XKR4: variants seen among roughly 807,000 people sequenced by gnomAD.
The protein encoded by XKR4 is XK related 4.
XKR4 carries 12 observed loss-of-function variants against 53.9 expected under a neutral mutation model. That is an observed-to-expected ratio of 0.22 (90% CI 0.14 to 0.36). The LOEUF (loss-of-function observed/expected upper bound fraction) is 0.36, where lower values mean the gene tolerates loss of function less well. XKR4 is among the 10% of genes least tolerant of loss of function. The probability of loss-of-function intolerance (pLI) is 1.00; values close to 1 mark genes in which losing one functional copy is unlikely to be tolerated. For missense variants in XKR4, 799 were observed against 859.5 expected (o/e 0.93, Z 0.88); for synonymous variants, 354 against 362.4 (o/e 0.98, Z 0.26).
At chr8:55,326,109 G>A (rs529752938) in intron 1 of XKR4, among the ~76,000 whole-genome samples, 191 of 152,246 alleles carry the variant, frequency 1.3e-3, no homozygotes, top group Non-Finnish European at 2.4e-3. Flanking sequence ...TCTGAATTGC[G>A]AATGACCTGA....
chr8:55,476,036 G>A (rs541583814), intron 2 of XKR4, among the ~76,000 whole-genome samples: 6 of 152,130 alleles, frequency 3.9e-5, no homozygotes, highest in East Asian at 1.9e-4. Context: ...GTTAGCCACC[G>A]CACCTGGCTA....
intron 2 of XKR4, among the ~76,000 whole-genome samples, chr8:55,472,343 T>C (rs1805901067): frequency 6.6e-6 from 1 of 152,190 alleles, no homozygotes; most frequent in Non-Finnish European, 1.5e-5. Context: ...TCCTTTTCTC[T>C]CTGATTCAAG....
chr8:55,217,656 G>A lies in XKR4; in HGVS notation c.806+114362G>A, dbSNP rs79493441. ...AATGAGTCATTGACAACTAAAAAGA[G>A]TTGTGGATACAGGCTCGTTGCTGAA... On this transcript the variant is annotated intron_variant, in intron 1 of 2. Coordinates refer to ENST00000327381, the MANE Select transcript of XKR4 (RefSeq NM_052898.2). Among the ~76,000 whole-genome samples, 705 of 152,278 alleles carry A rather than the reference G, an allele frequency of 4.6e-3. 6 individuals carry two copies. The highest frequency in any genetic ancestry group is 0.016 in the African/African-American group (658 of 41,528).
At chr8:55,388,455 T>C (rs1423466042) in intron 2 of XKR4, among the ~76,000 whole-genome samples, 1 of 149,872 alleles carries the variant, frequency 6.7e-6, no homozygotes. Flanking sequence ...AAATTTATTT[T>C]TCACAGTTCC....
intron 2 of XKR4, among the ~76,000 whole-genome samples, chr8:55,477,506 C>T (rs546586429): frequency 3.3e-5 from 5 of 152,284 alleles, no homozygotes; most frequent in Admixed American, 3.3e-4. Flanking sequence ...CGCCTCTCTT[C>T]CTCCAAAGGA....
chr8:55,465,066 G>C (rs956351061), intron 2 of XKR4, among the ~76,000 whole-genome samples: 4 of 152,104 alleles, frequency 2.6e-5, no homozygotes, highest in African/African-American at 9.7e-5. Flanking sequence ...ACTGCCCAAG[G>C]TAATTTATAG....
chr8:55,303,025 A>G (rs1489383241), intron 1 of XKR4, among the ~76,000 whole-genome samples: 1 of 152,184 alleles, frequency 6.6e-6, no homozygotes, highest in Non-Finnish European at 1.5e-5. Flanking sequence ...CAGCACTTCC[A>G]ACACTATGTT....
At chr8:55,329,433 G>A (rs2129380527) in intron 1 of XKR4, among the ~76,000 whole-genome samples, 1 of 148,884 alleles carries the variant, frequency 6.7e-6, no homozygotes, top group South Asian at 2.1e-4. Flanking sequence ...TATATTTCAT[G>A]TAAGGCCCAC....
At chr8:55,491,819 G>A (rs1315006470) in intron 2 of XKR4, among the ~76,000 whole-genome samples, 1 of 152,046 alleles carries the variant, frequency 6.6e-6, no homozygotes, top group Non-Finnish European at 1.5e-5. Context: ...TGGTCAAAAC[G>A]TACAGTATCA....
At chr8:55,382,584 T>C (rs1056510917) in intron 2 of XKR4, among the ~76,000 whole-genome samples, 4 of 152,284 alleles carry the variant, frequency 2.6e-5, no homozygotes, top group Non-Finnish European at 5.9e-5. Context: ...TCTTTGATTC[T>C]GGAAAATCTC....
At chr8:55,199,104 T>C (rs1215931722) in intron 1 of XKR4, among the ~76,000 whole-genome samples, 2 of 152,212 alleles carry the variant, frequency 1.3e-5, no homozygotes, top group East Asian at 3.8e-4. Context: ...TTTAGGAAGT[T>C]CTTACATATT....
chr8:55,460,890 A>G (rs1283903799), intron 2 of XKR4, among the ~76,000 whole-genome samples: 1 of 152,206 alleles, frequency 6.6e-6, no homozygotes, highest in Non-Finnish European at 1.5e-5. Context: ...TTGCTAGCAC[A>G]GCAGTCTGAA....
chr8:55,366,411 C>A (rs900053466), intron 2 of XKR4, among the ~76,000 whole-genome samples: 4 of 152,192 alleles, frequency 2.6e-5, no homozygotes, highest in Non-Finnish European at 5.9e-5. Context: ...CAAAAGCAGG[C>A]GCTCTAGATC....
intron 1 of XKR4, among the ~76,000 whole-genome samples, chr8:55,208,748 A>C (rs534137615): frequency 1.3e-5 from 2 of 152,152 alleles, no homozygotes; most frequent in South Asian, 4.2e-4. Context: ...TACAGGCATG[A>C]GCCACCACAC....
intron 1 of XKR4, among the ~76,000 whole-genome samples, chr8:55,241,689 T>G (rs1308356850): frequency 6.6e-6 from 1 of 152,240 alleles, no homozygotes; most frequent in Non-Finnish European, 1.5e-5. Context: ...TCCTTCATTA[T>G]TTCTCATATA....
intron 1 of XKR4, among the ~76,000 whole-genome samples, chr8:55,300,975 G>T (rs746571373): frequency 6.6e-6 from 1 of 151,992 alleles, no homozygotes; most frequent in Non-Finnish European, 1.5e-5. Context: ...GTTCTCATCA[G>T]ACACTTTATT....
At chr8:55,220,928 C>G (rs1040343978) in intron 1 of XKR4, among the ~76,000 whole-genome samples, 1 of 152,202 alleles carries the variant, frequency 6.6e-6, no homozygotes, top group African/African-American at 2.4e-5. Flanking sequence ...GCAGGCTCCA[C>G]GTTCGTGGTA....
chr8:55,149,123 G>A (rs935204844), intron 1 of XKR4, among the ~76,000 whole-genome samples: 9 of 152,156 alleles, frequency 5.9e-5, no homozygotes, highest in Non-Finnish European at 1.3e-4. Flanking sequence ...TTGGATAACG[G>A]GCAGCATGGC....
intron 1 of XKR4, among the ~76,000 whole-genome samples, chr8:55,343,832 AGAATGGAT>A (rs1465335939): frequency 1.3e-5 from 2 of 152,262 alleles, no homozygotes; most frequent in African/African-American, 2.4e-5. Context: ...TTCTTCCCCT[AGAATGGAT>A]GAATGAATGA....
Sources: allele counts gnomAD v4.1 joint callset (sites outside exome capture counted in the v4.1 genomes callset), GRCh38; gene constraint gnomAD v4.1.1; transcripts MANE v1.5; gene names NCBI Gene and HGNC (gene_info 2026-07-23, HGNC 2026-07-21).